NOS1: variants seen among roughly 807,000 people sequenced by gnomAD.
NOS1 encodes NOS type I.
Under a neutral mutation model 164.5 loss-of-function variants are expected in NOS1, and 51 were observed. The observed-to-expected ratio is 0.31, with a 90% CI of 0.25 to 0.39. The LOEUF is 0.39. Among genes scored for constraint, NOS1 ranks in the 10% least tolerant of loss-of-function variants. The pLI is 1.00. For missense variants in NOS1, 1,362 were observed against 1,885.6 expected, an observed-to-expected ratio of 0.72 and a Z score of 5.14; for synonymous variants, 719 against 745.8, an observed-to-expected ratio of 0.96 and a Z score of 0.59.
chr12:117,217,316 C>A (rs115283674), intron 28 of NOS1, among the ~76,000 whole-genome samples: 1 of 152,258 alleles, frequency 6.6e-6, no homozygotes, highest in Admixed American at 6.5e-5. Flanking sequence ...AAATGAGCAG[C>A]GTTCAAACAC....
At chr12:117,247,246 G>A in intron 18 of NOS1, 102 bp downstream of exon 18, 3 of 984,326 alleles carry the variant, frequency 3.0e-6, no homozygotes, top group Admixed American at 2.6e-5. Flanking sequence ...GAGAGGTACT[G>A]AGGGTTCTCT....
intron 9 of NOS1, among the ~76,000 whole-genome samples, chr12:117,276,048 A>G (rs996180622): frequency 6.6e-6 from 1 of 152,010 alleles, no homozygotes; most frequent in Non-Finnish European, 1.5e-5. Flanking sequence ...ATTATCTTTA[A>G]TTTTTGTGGG....
intron 4 of NOS1, among the ~76,000 whole-genome samples, chr12:117,289,478 A>C (rs1344410958): frequency 6.6e-6 from 1 of 152,228 alleles, no homozygotes; most frequent in East Asian, 1.9e-4. Flanking sequence ...TTTAAAGAAT[A>C]AACCTGAGAG....
rs1400784286 is a variant in NOS1, at chr12:117,208,232, CAGA to C, written c.*7074_*7076del. On this transcript the variant is annotated 3_prime_UTR_variant, in exon 29 of 29. Transcript: ENST00000317775. ...ATAAAATTGGAAGATGAGAACTATA[CAGA>C]AGAAGAGCATGCGACAAACACAGCC... is the stretch of plus-strand genomic sequence containing the variant. The C allele has an allele frequency of 4.0e-6, 5 of 1,243,460 alleles. No individual in the cohort carries two copies. The highest frequency in any genetic ancestry group is 1.5e-5 in the African/African-American group (1 of 64,532). 77.0% of individuals were successfully genotyped at this position (1,243,460 alleles called of 1,614,324 possible). A position where few individuals can be genotyped will look rare whatever the true frequency, so the allele number is the denominator to read the frequency against.
At chr12:117,359,071 A>G (rs981053530) in intron 1 of NOS1, among the ~76,000 whole-genome samples, 1 of 152,262 alleles carries the variant, frequency 6.6e-6, no homozygotes, top group African/African-American at 2.4e-5. Flanking sequence ...AGATGGCTGC[A>G]CTGGCAACCT....
At position 117,209,810 on chromosome 12, in the gene NOS1, G is replaced by A; in HGVS notation, c.*5499C>T. On this transcript the variant is annotated 3_prime_UTR_variant, in exon 29 of 29. Coordinates refer to ENST00000317775, the MANE Select transcript of NOS1 (RefSeq NM_000620.5). ...TGCCACAAGGCAGGGACTGGCAGTG[G>A]GCCAAGGATAGGGAGTGTGAGATAA... 2 of 985,444 alleles carry A rather than the reference G, an allele frequency of 2.0e-6. No homozygotes were observed. The highest frequency in any genetic ancestry group is 1.7e-5 in the African/African-American group (1 of 57,360). The allele number at this position is 985,444 out of a possible 1,614,324, so 61.0% of individuals were successfully genotyped here. A position where few individuals can be genotyped will look rare whatever the true frequency, so the allele number is the denominator to read the frequency against.
intron 13 of NOS1, among the ~76,000 whole-genome samples, chr12:117,262,109 A>C (rs186739583): frequency 9.3e-4 from 142 of 152,350 alleles, no homozygotes; most frequent in African/African-American, 3.4e-3. Context: ...ACCGCCCACG[A>C]TGCAGGAAGA....
rs139102977 is a variant in NOS1, at chr12:117,217,577, C to T, written c.4289+469G>A. Among the ~76,000 whole-genome samples the T allele has an allele frequency of 1.4e-3, 209 of 152,100 alleles. 2 individuals carry two copies. The highest frequency in any genetic ancestry group is 4.8e-3 in the African/African-American group (198 of 41,478). ...AAACTTAGCCGGGTGTGGTGGTGCA[C>T]GCCTGTAGTCCTAGCTACTTGGGAG... On this transcript the variant is annotated intron_variant, in intron 28 of 28. Transcript: ENST00000317775.
chr12:117,238,267 A>G (rs1869883462), intron 20 of NOS1, among the ~76,000 whole-genome samples: 2 of 152,066 alleles, frequency 1.3e-5, no homozygotes, highest in South Asian at 4.1e-4. Flanking sequence ...ACCCACTTGC[A>G]TAGTAAAAGA....
At position 117,210,139 on chromosome 12, in the gene NOS1, A is replaced by T. The variant is rs963786349; in HGVS notation, c.*5170T>A. 6.5e-5 allele frequency: 19 copies of T among 290,716 alleles called. No individual in the cohort carries two copies. Among genetic ancestry groups the T allele is most frequent in the South Asian group, 1.4e-4 (1 of 7,396 alleles). 18.0% of individuals were successfully genotyped at this position (290,716 alleles called of 1,614,324 possible). On this transcript the variant is annotated 3_prime_UTR_variant, in exon 29 of 29. Coordinates refer to ENST00000317775, the MANE Select transcript of NOS1 (RefSeq NM_000620.5). ...AGGAGCATGCCATCATGCCCAGCTA[A>T]TTTTTTTTTTTTTTTTTTTTTAGTA...
chr12:117,233,735 G>A (rs1869456426), intron 21 of NOS1, among the ~76,000 whole-genome samples: 1 of 150,772 alleles, frequency 6.6e-6, no homozygotes, highest in Non-Finnish European at 1.5e-5. Context: ...TTGAACCTGG[G>A]AGGTGGAGGT....
chr12:117,226,982 T>C (rs958387216), intron 23 of NOS1, among the ~76,000 whole-genome samples: 1 of 152,044 alleles, frequency 6.6e-6, no homozygotes, highest in African/African-American at 2.4e-5. Flanking sequence ...TGGGTAGGGG[T>C]GGGTCGGATT....
intron 27 of NOS1, among the ~76,000 whole-genome samples, chr12:117,219,226 C>G (rs1956660447): frequency 6.6e-6 from 1 of 152,140 alleles, no homozygotes. Context: ...CGTGATACAC[C>G]TGCCTTGGCC....
At position 117,330,732 on chromosome 12, in the gene NOS1, C is replaced by T. The variant is rs775337157; in HGVS notation, c.338G>A (p.Gly113Asp). 6 of 1,613,914 alleles carry T rather than the reference C, an allele frequency of 3.7e-6. No individual in the cohort carries two copies. In the African/African-American group the frequency reaches 4.0e-5, roughly 11 times the overall value. The change falls in exon 2 of 29, where the codon GGT (glycine) becomes GAT (aspartate). Residue 113 changes from glycine (G) to aspartate (D), a missense_variant. Gly to Asp is a moderately conservative substitution (Grantham distance 94). Coordinates refer to ENST00000317775, the MANE Select transcript of NOS1 (RefSeq NM_000620.5). The surrounding 1 kb of genome is among the most constrained non-coding windows in gnomAD (Gnocchi z 4.6). The part of the protein sequence containing the change: ...FTTHLETTFT[G>D]DGTPKTIRVT... ...CCGGATGGTCTTGGGGGTCCCATCA[C>T]CTGTAAAGGTGGTCTCCAGGTGCGT...
chr12:117,220,671 G>A (rs1956688267), intron 26 of NOS1, among the ~76,000 whole-genome samples: 1 of 152,098 alleles, frequency 6.6e-6, no homozygotes, highest in South Asian at 2.1e-4. Flanking sequence ...GTTATTGCAG[G>A]CACCCTATGT....
chr12:117,222,947 G>A, intron 25 of NOS1, 84 bp from the exon 26 acceptor site: 5 of 1,488,728 alleles, frequency 3.4e-6, no homozygotes, highest in Non-Finnish European at 3.7e-6. Flanking sequence ...GGGGTACTGA[G>A]ACCTTAGCGT....
chr12:117,249,612 A>G (rs1870925046), intron 17 of NOS1, among the ~76,000 whole-genome samples: 1 of 152,226 alleles, frequency 6.6e-6, no homozygotes. Context: ...TGAAATAGTT[A>G]TAAGTATTCT....
intron 10 of NOS1, among the ~76,000 whole-genome samples, chr12:117,269,752 C>T (rs1211416449): frequency 2.6e-5 from 4 of 152,150 alleles, no homozygotes; most frequent in African/African-American, 9.7e-5. Flanking sequence ...AGGCGTGAGC[C>T]GCTGCACCCG....
At chr12:117,321,046 G>C (rs1331702344) in intron 2 of NOS1, among the ~76,000 whole-genome samples, 1 of 152,130 alleles carries the variant, frequency 6.6e-6, no homozygotes, top group Non-Finnish European at 1.5e-5. Flanking sequence ...GTCTCATTCT[G>C]TTGCCCAGGC....
Sources: gnomAD v4.1 joint callset for allele counts (sites outside exome capture counted in the v4.1 genomes callset) on GRCh38, gnomAD v4.1.1 for gene constraint, Gnocchi (gnomAD v3.1) non-coding constraint, MANE v1.5 for transcripts, NCBI Gene and HGNC (gene_info 2026-07-23, HGNC 2026-07-21) for gene names.